ARID1B: variants seen among roughly 807,000 people sequenced by gnomAD.
ARID1B encodes the protein AT-rich interaction domain 1B, also known as AT-rich interactive domain-containing protein 1B.
ARID1B carries 30 observed loss-of-function variants against 212.3 expected under a neutral mutation model. The ratio of observed to expected loss-of-function variants is 0.14; its 90% CI spans 0.11 to 0.19. The LOEUF is 0.19. ARID1B is among the 10% of genes least tolerant of loss of function. ARID1B has a pLI of 1.00. For missense variants in ARID1B, 2,891 were observed against 3,204.0 expected, an observed-to-expected ratio of 0.90 and a Z score of 2.36; for synonymous variants, 1,402 against 1,301.7, an observed-to-expected ratio of 1.08 and a Z score of -1.66.
rs2128046551 is a variant in ARID1B, at chr6:156,829,337, C to T, written c.1902C>T (p.Gly634=). ...QSSPYPGGSY[G]PPGPQRYPIG... ...GTCCGTACCCAGGAGGTTCCTATGGCCCTCCAGGCCCACAGCGGTATCCAA... is the reference window on the plus strand; with the variant it reads ...GTCCGTACCCAGGAGGTTCCTATGGTCCTCCAGGCCCACAGCGGTATCCAA... Residue 634 remains glycine, a synonymous_variant, in exon 2 of 20, where the codon GGC becomes GGT. Coordinates refer to ENST00000636930, the MANE Select transcript of ARID1B (RefSeq NM_001374828.1). The T allele has an allele frequency of 1.2e-6, 2 of 1,614,198 alleles. No homozygotes were observed. The highest frequency in any genetic ancestry group is 1.7e-6 in the Non-Finnish European group (2 of 1,180,016).
intron 13 of ARID1B, chr6:157,185,494 A>C (rs1370427005): frequency 1.3e-5 from 2 of 152,166 alleles, no homozygotes; most frequent in Non-Finnish European, 2.9e-5. Flanking sequence ...TCATTTTCAC[A>C]TCAGCCCTGT....
chr6:156,966,315 G>A (rs553896562), intron 4 of ARID1B, among the ~76,000 whole-genome samples: 2 of 150,562 alleles, frequency 1.3e-5, no homozygotes, highest in African/African-American at 4.9e-5. Flanking sequence ...TAGTGTAAAT[G>A]CTTAGAACCA....
rs904716274 is a variant in ARID1B at position 157,200,388 on chromosome 6, G to T, written c.4480-317G>T. Among the ~76,000 whole-genome samples the T allele has an allele frequency of 1.3e-5, 2 of 152,004 alleles. No individual in the cohort carries two copies. Among genetic ancestry groups the T allele is most frequent in the African/African-American group, 4.8e-5 (2 of 41,392 alleles). On this transcript the variant is annotated intron_variant, in intron 17 of 19. Transcript: ENST00000636930. This position sits in a 1 kb window ranked among gnomAD's most constrained non-coding sequence, Gnocchi z 4.3. ...GTGGTCCTAGTGCAGCTCCCAGCCC[G>T]GGAGCCGTCTGCCTGTGTGGGAGTT... is the stretch of plus-strand genomic sequence containing the variant.
At chr6:156,831,867 A>G (rs1168315017) in intron 2 of ARID1B, among the ~76,000 whole-genome samples, 3 of 152,260 alleles carry the variant, frequency 2.0e-5, no homozygotes, top group Non-Finnish European at 2.9e-5. Context: ...AATGAAAGGA[A>G]AATAGTATAT....
intron 4 of ARID1B, chr6:156,939,526 A>T (rs542109023): frequency 2.0e-5 from 3 of 152,270 alleles, no homozygotes; most frequent in Non-Finnish European, 4.4e-5. Flanking sequence ...TTCCTCAAAA[A>T]TTTCTATAAA....
Position 156,976,877 on chromosome 6 carries a change from A to T in ARID1B, c.2247+41301A>T, listed in dbSNP as rs1176321936. 6 of 577,246 alleles carry T rather than the reference A, an allele frequency of 1.0e-5. No individual in the cohort carries two copies. In the Admixed American group the frequency reaches 1.1e-4, roughly 11 times the overall value. The allele number at this position is 577,246 out of a possible 1,614,324, so 35.8% of individuals were successfully genotyped here. The stretch of plus-strand genomic sequence containing the variant: ...CTGGGAAAATTGTTGTGAACCTCAC[A>T]GGCGGGCTAAACAAGTGTGGAGTGA... On this transcript the variant is annotated intron_variant, in intron 4 of 19. Coordinates refer to ENST00000636930, the MANE Select transcript of ARID1B (RefSeq NM_001374828.1).
chr6:157,009,140 C>T (rs1367009705), intron 4 of ARID1B, among the ~76,000 whole-genome samples: 2 of 152,106 alleles, frequency 1.3e-5, no homozygotes, highest in Non-Finnish European at 2.9e-5. Context: ...CTGAAGCAGC[C>T]ATCAGCTACA....
chr6:157,113,998 T>A (rs769374043), intron 6 of ARID1B, among the ~76,000 whole-genome samples: 1 of 152,190 alleles, frequency 6.6e-6, no homozygotes, highest in Non-Finnish European at 1.5e-5. Context: ...GGCACAATAA[T>A]AGAAACATCT....
At chr6:156,929,728 A>G (rs1019975790) in intron 3 of ARID1B, among the ~76,000 whole-genome samples, 2 of 152,178 alleles carry the variant, frequency 1.3e-5, no homozygotes, top group Non-Finnish European at 2.9e-5. Flanking sequence ...TCCAGACACC[A>G]TGGAGGCTCT....
intron 2 of ARID1B, among the ~76,000 whole-genome samples, chr6:156,897,264 C>CTTCTTATTA (rs71027320): frequency 0.021 from 1,722 of 83,488 alleles, 36 homozygotes; most frequent in African/African-American, 0.024. Flanking sequence ...TCTTCTTCTT[C>CTTCTTATTA]TTATTATTAT....
chr6:157,163,733 C>T (rs143958182), intron 8 of ARID1B, among the ~76,000 whole-genome samples: 4,269 of 152,320 alleles, frequency 0.028, 79 homozygotes, highest in Non-Finnish European at 0.043. Flanking sequence ...CCAGGACTCC[C>T]GGAGAGTTTA....
At chr6:156,880,544 G>T (rs1396895195) in intron 2 of ARID1B, among the ~76,000 whole-genome samples, 1 of 152,042 alleles carries the variant, frequency 6.6e-6, no homozygotes, top group East Asian at 1.9e-4. Context: ...TTCGAGAACA[G>T]CCTGGACAAC....
intron 6 of ARID1B, among the ~76,000 whole-genome samples, chr6:157,127,918 C>T (rs537855088): frequency 1.3e-5 from 2 of 150,184 alleles, no homozygotes; most frequent in Non-Finnish European, 3.0e-5. Context: ...GCCAAGAGTG[C>T]TCCACTGCAC....
At chr6:157,078,443 A>G (rs1182980676) in intron 4 of ARID1B, among the ~76,000 whole-genome samples, 2 of 152,202 alleles carry the variant, frequency 1.3e-5, no homozygotes, top group Admixed American at 6.5e-5. Flanking sequence ...TACTATGTTG[A>G]GAGGTCTATT....
intron 2 of ARID1B, 91 bp from the exon 3 acceptor site, chr6:156,901,285 C>T (rs1788907938): frequency 6.9e-7 from 1 of 1,443,148 alleles, no homozygotes. Flanking sequence ...TAGCAGAGAA[C>T]CCCCTTCATG....
chr6:157,013,255 A>T (rs186906520), intron 4 of ARID1B, among the ~76,000 whole-genome samples: 1 of 152,336 alleles, frequency 6.6e-6, no homozygotes, highest in Admixed American at 6.5e-5. Context: ...TTGCAGAGGC[A>T]TTTCGTGCCT....
chr6:157,165,324 TCCCTGAGCCA>T (rs1275229715), intron 8 of ARID1B, among the ~76,000 whole-genome samples: 6 of 152,212 alleles, frequency 3.9e-5, no homozygotes, highest in Admixed American at 3.9e-4. Flanking sequence ...TGCCCATTTC[TCCCTGAGCCA>T]CCCTCATACC....
At chr6:156,901,074 G>A (rs555195694) in intron 2 of ARID1B, among the ~76,000 whole-genome samples, 1 of 152,174 alleles carries the variant, frequency 6.6e-6, no homozygotes, top group East Asian at 1.9e-4. Flanking sequence ...TCTTAGTAGA[G>A]GCTATTTTTT....
At chr6:157,121,383 A>G (rs1787699170) in intron 6 of ARID1B, among the ~76,000 whole-genome samples, 1 of 152,132 alleles carries the variant, frequency 6.6e-6, no homozygotes. Flanking sequence ...AATTAAATAC[A>G]GTTTCATTCT....
Sources: gnomAD v4.1 joint callset for allele counts (sites outside exome capture counted in the v4.1 genomes callset) on GRCh38, gnomAD v4.1.1 for gene constraint, Gnocchi (gnomAD v3.1) non-coding constraint, MANE v1.5 for transcripts, NCBI Gene and HGNC (gene_info 2026-07-23, HGNC 2026-07-21) for gene names.